FMN1: variants seen among roughly 807,000 people sequenced by gnomAD.
FMN1 encodes formin-1.
A neutral mutation model predicts 132.4 loss-of-function variants in FMN1; 110 were observed. That is an observed-to-expected ratio of 0.83 (90% confidence interval 0.71 to 0.97). The LOEUF is 0.97. Among genes scored for constraint, FMN1 ranks in the 50% least tolerant of loss-of-function variants. FMN1 has a pLI of 0.00. For synonymous variants in FMN1, 722 were observed against 651.7 expected, an observed-to-expected ratio of 1.11 and a Z score of -1.64; for missense variants, 1,792 against 1,705.3, an observed-to-expected ratio of 1.05 and a Z score of -0.90.
At chr15:33,119,485 T>C (rs936802076) in intron 4 of FMN1, among the ~76,000 whole-genome samples, 2 of 152,204 alleles carry the variant, frequency 1.3e-5, no homozygotes, top group Non-Finnish European at 1.5e-5. Flanking sequence ...GAGGAGACTC[T>C]GCCAAGCATT....
chr15:33,181,970 A>G (rs146917497), intron 2 of FMN1, among the ~76,000 whole-genome samples: 2,080 of 152,184 alleles, frequency 0.014, 68 homozygotes, highest in East Asian at 0.12. Flanking sequence ...TCGGCCTCCC[A>G]AAGTGCTGGG....
chr15:33,045,018 G>T (rs75819514), intron 6 of FMN1, among the ~76,000 whole-genome samples: 2,601 of 152,328 alleles, frequency 0.017, 73 homozygotes, highest in African/African-American at 0.06. Context: ...GAAAAGAGCT[G>T]CCACCCTTCA....
intron 3 of FMN1, among the ~76,000 whole-genome samples, chr15:33,161,244 C>T (rs1160397545): frequency 1.3e-5 from 2 of 152,168 alleles, no homozygotes; most frequent in Non-Finnish European, 2.9e-5. Flanking sequence ...CTCCTAAGAC[C>T]AAGAGACTGA....
Position 33,151,435 on chromosome 15 carries a change from T to C in FMN1, c.1867+1613A>G. 2.6e-6 allele frequency: 4 copies of C among 1,520,008 alleles called. No individual in the cohort carries two copies. In the South Asian group the frequency reaches 3.6e-5, roughly 14 times the overall value. The allele number at this position is 1,520,008 out of a possible 1,614,324, so 94.2% of individuals were successfully genotyped here. A position where few individuals can be genotyped will look rare whatever the true frequency, so the allele number is the denominator to read the frequency against. On this transcript the variant is annotated intron_variant, in intron 4 of 20. Transcript: ENST00000616417. Reference sequence around the variant, plus strand: ...ATTGCACGGAGAGGCCAAAGGAACATGTGATCATCCATTCACCTTGTCACT... The same window carrying C: ...ATTGCACGGAGAGGCCAAAGGAACACGTGATCATCCATTCACCTTGTCACT...
intron 19 of FMN1, among the ~76,000 whole-genome samples, chr15:32,779,598 G>GCAA (rs1567153894): frequency 6.6e-6 from 1 of 152,110 alleles, no homozygotes; most frequent in Admixed American, 6.6e-5. Flanking sequence ...TTTCACTGTG[G>GCAA]CAATATATGC....
intron 15 of FMN1, among the ~76,000 whole-genome samples, chr15:32,890,721 G>C (rs2060006931): frequency 6.6e-6 from 1 of 152,094 alleles, no homozygotes; most frequent in South Asian, 2.1e-4. Flanking sequence ...CCCCTTTTGA[G>C]GTACCAAAGC....
At chr15:32,926,498 A>G (rs1289432016) in intron 9 of FMN1, among the ~76,000 whole-genome samples, 1 of 152,216 alleles carries the variant, frequency 6.6e-6, no homozygotes, top group Admixed American at 6.5e-5. Context: ...GCCTAATACA[A>G]ACGCTAAATC....
intron 6 of FMN1, among the ~76,000 whole-genome samples, chr15:33,058,541 T>C (rs749279464): frequency 1.3e-5 from 2 of 152,234 alleles, no homozygotes; most frequent in Non-Finnish European, 1.5e-5. Flanking sequence ...ATCCACAGCC[T>C]AGAAGCATTT....
At chr15:33,128,517 T>A (rs549740319) in intron 4 of FMN1, among the ~76,000 whole-genome samples, 3 of 152,236 alleles carry the variant, frequency 2.0e-5, no homozygotes, top group African/African-American at 4.8e-5. Flanking sequence ...ACACTGAGAA[T>A]GAAACAGCGT....
chr15:33,018,083 AAT>A (rs532341722), intron 6 of FMN1, among the ~76,000 whole-genome samples: 2,345 of 123,630 alleles, frequency 0.019, 51 homozygotes, highest in South Asian at 0.11. Context: ...AAAAAAAAAA[AAT>A]TTATATGTTA....
chr15:33,120,874 G>T (rs911190252), intron 4 of FMN1, among the ~76,000 whole-genome samples: 1 of 151,664 alleles, frequency 6.6e-6, no homozygotes, highest in South Asian at 2.1e-4. Context: ...AGCTCTCCAG[G>T]ACTCTTTCTT....
chr15:33,080,602 A>C (rs1356320166), intron 5 of FMN1, among the ~76,000 whole-genome samples: 1 of 152,168 alleles, frequency 6.6e-6, no homozygotes, highest in East Asian at 1.9e-4. Context: ...AAATACAAAA[A>C]TTAGCCGGGC....
intron 6 of FMN1, among the ~76,000 whole-genome samples, chr15:33,043,724 C>T (rs1056724671): frequency 6.6e-6 from 1 of 152,218 alleles, no homozygotes; most frequent in African/African-American, 2.4e-5. Flanking sequence ...GTTGGGGAGG[C>T]ATGGCCAGGG....
chr15:33,114,441 T>G (rs1045150325), intron 4 of FMN1, among the ~76,000 whole-genome samples: 7 of 152,256 alleles, frequency 4.6e-5, no homozygotes, highest in African/African-American at 1.7e-4. Flanking sequence ...TCTGCATAAG[T>G]GTTGAACATG....
intron 10 of FMN1, among the ~76,000 whole-genome samples, chr15:32,918,247 A>G (rs1218623480): frequency 1.3e-5 from 2 of 152,182 alleles, no homozygotes; most frequent in African/African-American, 2.4e-5. Context: ...ACTGACTAAC[A>G]AGGAAAACTA....
intron 9 of FMN1, among the ~76,000 whole-genome samples, chr15:32,946,995 CCTAT>C (rs1241077595): frequency 1.3e-5 from 2 of 152,112 alleles, no homozygotes; most frequent in Non-Finnish European, 2.9e-5. Flanking sequence ...AAGCATGTGG[CCTAT>C]CTTTTTATAC....
chr15:32,954,496 A>C (rs2061720596), intron 9 of FMN1, among the ~76,000 whole-genome samples: 1 of 152,222 alleles, frequency 6.6e-6, no homozygotes, highest in South Asian at 2.1e-4. Context: ...ATCTTTTGAC[A>C]GATGAGAAAC....
At chr15:32,916,313 A>C (rs1276834088) in intron 10 of FMN1, among the ~76,000 whole-genome samples, 1 of 152,180 alleles carries the variant, frequency 6.6e-6, no homozygotes, top group African/African-American at 2.4e-5. Context: ...TCAACCCTGA[A>C]CACTTCTCTC....
chr15:33,169,732 T>C (rs889281289), intron 3 of FMN1, among the ~76,000 whole-genome samples: 9 of 148,686 alleles, frequency 6.1e-5, no homozygotes, highest in Admixed American at 2.0e-4. Flanking sequence ...CCTTTTTTTT[T>C]TCTTTTCCTT....
Sources: allele counts gnomAD v4.1 joint callset (sites outside exome capture counted in the v4.1 genomes callset), GRCh38; gene constraint gnomAD v4.1.1; transcripts MANE v1.5; gene names NCBI Gene and HGNC (gene_info 2026-07-23, HGNC 2026-07-21).